The following SLAIN2 variants were observed in gnomAD, a reference collection of about 807,000 sequenced individuals.
SLAIN2 encodes SLAIN motif-containing protein 2.
Under a neutral mutation model 56.6 loss-of-function variants are expected in SLAIN2, and 31 were observed. The observed-to-expected ratio is 0.55, with a 90% CI of 0.41 to 0.74. The LOEUF is 0.74. Ranked by LOEUF, SLAIN2 falls within the 30% of genes least tolerant of loss-of-function variation. The pLI is 0.00. For synonymous variants in SLAIN2, 317 were observed against 284.9 expected, an observed-to-expected ratio of 1.11 and a Z score of -1.13; for missense variants, 777 against 754.2, an observed-to-expected ratio of 1.03 and a Z score of -0.35.
chr4:48,366,345 A>T (rs1480279400), intron 1 of SLAIN2, among the ~76,000 whole-genome samples: 1 of 152,148 alleles, frequency 6.6e-6, no homozygotes, highest in African/African-American at 2.4e-5. Context: ...AATGTTGCTG[A>T]AGTCTTCTGT....
chr4:48,382,959 A>G (rs1346474861), intron 5 of SLAIN2, 32 bp downstream of exon 5: 3 of 1,536,954 alleles, frequency 2.0e-6, no homozygotes, highest in East Asian at 4.8e-5. Flanking sequence ...ATAATTAGAC[A>G]GTTTCTGCTA....
chr4:48,348,902 A>C (rs975469211), intron 1 of SLAIN2, among the ~76,000 whole-genome samples: 2 of 152,202 alleles, frequency 1.3e-5, no homozygotes, highest in Non-Finnish European at 2.9e-5. Flanking sequence ...GGTGAATAAA[A>C]ATGAGTTAGC....
intron 1 of SLAIN2, among the ~76,000 whole-genome samples, chr4:48,360,161 A>C (rs988017245): frequency 7.9e-5 from 12 of 151,898 alleles, no homozygotes; most frequent in African/African-American, 2.9e-4. Flanking sequence ...CTCAAAAAAA[A>C]AAAAAAATAG....
chr4:48,369,739 C>T, intron 1 of SLAIN2, 110 bp from the exon 2 acceptor site: 2 of 921,506 alleles, frequency 2.2e-6, no homozygotes, highest in South Asian at 2.1e-5. Flanking sequence ...AAAATATACT[C>T]CATGACTTTT....
intron 6 of SLAIN2, among the ~76,000 whole-genome samples, chr4:48,406,527 T>C (rs1324338425): frequency 0.013 from 313 of 24,134 alleles, no homozygotes; most frequent in African/African-American, 0.03. Context: ...CTCTCTCTCT[T>C]TTTTTTTTTT....
At chr4:48,408,927 A>G (rs916951764) in intron 6 of SLAIN2, among the ~76,000 whole-genome samples, 4 of 152,154 alleles carry the variant, frequency 2.6e-5, no homozygotes, top group African/African-American at 9.7e-5. Flanking sequence ...TTTTTACTGT[A>G]CTTTCTCTAT....
At chr4:48,391,693 A>G (rs975458808) in intron 6 of SLAIN2, among the ~76,000 whole-genome samples, 1 of 152,208 alleles carries the variant, frequency 6.6e-6, no homozygotes, top group Non-Finnish European at 1.5e-5. Flanking sequence ...ACTGATTGGA[A>G]TTCCAGAAAT....
chr4:48,356,370 G>T (rs1360165558), intron 1 of SLAIN2, among the ~76,000 whole-genome samples: 1 of 152,004 alleles, frequency 6.6e-6, no homozygotes, highest in Non-Finnish European at 1.5e-5. Context: ...ATCTATATAT[G>T]CAGTTGTAGC....
At chr4:48,377,874 T>G in intron 2 of SLAIN2, 22 bp from the exon 3 acceptor site, 1 of 1,594,858 alleles carries the variant, frequency 6.3e-7, no homozygotes, top group South Asian at 1.2e-5. Context: ...TAAATTTGAT[T>G]TTCCCCTTCT....
chr4:48,343,149 G>A (rs1560447160), intron 1 of SLAIN2, among the ~76,000 whole-genome samples: 2 of 152,116 alleles, frequency 1.3e-5, no homozygotes, highest in African/African-American at 4.8e-5. Flanking sequence ...GGTATTGCAG[G>A]GCTGGAACTT....
At chr4:48,384,633 G>A (rs1427260847) in intron 6 of SLAIN2, among the ~76,000 whole-genome samples, 2 of 152,164 alleles carry the variant, frequency 1.3e-5, no homozygotes, top group African/African-American at 4.8e-5. Flanking sequence ...AAGAACACAT[G>A]TAGATTATAA....
intron 6 of SLAIN2, among the ~76,000 whole-genome samples, chr4:48,408,543 A>AAG (rs1716763955): frequency 6.6e-6 from 1 of 151,444 alleles, no homozygotes; most frequent in Non-Finnish European, 1.5e-5. Context: ...AAAAAAAAAA[A>AAG]AAAAAAATTC....
rs1229952901 is a variant in SLAIN2, at chr4:48,379,734, T to A, written c.748T>A (p.Ser250Thr). ...CAGAAATCCTCCACTCAGTCCTCAG[T>A]CCTCTATAGATAGTGAGTTAAGTGC... ...SDRNPPLSPQ[S>T]SIDSELSASE... Residue 250 changes from serine to threonine, a missense_variant, in exon 4 of 8, where the codon TCC becomes ACC. Coordinates refer to ENST00000264313, the MANE Select transcript of SLAIN2 (RefSeq NM_020846.2). 2 of 1,570,612 alleles carry A rather than the reference T, an allele frequency of 1.3e-6. No individual in the cohort carries two copies. The highest frequency in any genetic ancestry group is 3.9e-5 in the Admixed American group (2 of 51,378).
chr4:48,421,979 C>T (rs1163469911), intron 7 of SLAIN2, 32 bp from the exon 8 acceptor site: 2 of 1,511,010 alleles, frequency 1.3e-6, no homozygotes, highest in Admixed American at 3.6e-5. Context: ...AGACATTTAT[C>T]AAATTTTAAT....
At chr4:48,383,512 A>T in intron 5 of SLAIN2, 135 bp from the exon 6 acceptor site, 3 of 830,028 alleles carry the variant, frequency 3.6e-6, no homozygotes, top group Non-Finnish European at 5.3e-6. Context: ...TTTTAATAAG[A>T]CAAGTCCTTT....
intron 6 of SLAIN2, among the ~76,000 whole-genome samples, chr4:48,386,964 G>C (rs1259908737): frequency 2.0e-5 from 3 of 152,172 alleles, no homozygotes; most frequent in African/African-American, 7.2e-5. Flanking sequence ...CATGTGAACA[G>C]ATGATCCAAA....
At chr4:48,404,059 G>A (rs188866283) in intron 6 of SLAIN2, among the ~76,000 whole-genome samples, 39 of 152,278 alleles carry the variant, frequency 2.6e-4, no homozygotes, top group African/African-American at 8.7e-4. Flanking sequence ...GCCTCACCCT[G>A]CTTCTTTTCC....
rs780014339 is a variant in SLAIN2, at chr4:48,390,129, C to T, written c.1360+6345C>T. On this transcript the variant is annotated intron_variant, in intron 6 of 7. Coordinates refer to ENST00000264313, the MANE Select transcript of SLAIN2 (RefSeq NM_020846.2). ...GACTCTGTCTCCCAGGCTGGAGCGG[C>T]GGTGGCGTGATCACAGCTTACTGCA... 4.2e-4 allele frequency among the ~76,000 whole-genome samples: 61 copies of T among 146,136 alleles called. 1 individual carries two copies. Among genetic ancestry groups the T allele is most frequent in the Non-Finnish European group, 6.4e-4 (43 of 67,142 alleles).
rs1372389314 is a variant in SLAIN2, at chr4:48,382,625, A to T, written c.920A>T (p.Asn307Ile). ...CGGCGCAGTTCTGGTTCATCTTGCA[A>T]TTCTACAAGACGGGGTACTTTTAGT... ...TSRRSSGSSC[N>I]STRRGTFSDQ... The change falls in exon 5 of 8, where the codon AAT (asparagine) becomes ATT (isoleucine). Residue 307 changes from asparagine to isoleucine, a missense_variant. Asn to Ile is a moderately radical substitution (Grantham distance 149, BLOSUM62 -3). Transcript: ENST00000264313. 6.2e-7 allele frequency: 1 copy of T among 1,612,202 alleles called. No individual in the cohort carries two copies. Among genetic ancestry groups the T allele is most frequent in the South Asian group, 1.1e-5 (1 of 91,026 alleles).
Sources: gnomAD v4.1 joint callset for allele counts (sites outside exome capture counted in the v4.1 genomes callset) on GRCh38, gnomAD v4.1.1 for gene constraint, MANE v1.5 for transcripts, NCBI Gene and HGNC (gene_info 2026-07-23, HGNC 2026-07-21) for gene names.